The following C3orf22 variants were observed in gnomAD, a reference collection of about 807,000 sequenced individuals.
C3orf22 encodes chromosome 3 open reading frame 22.
A neutral mutation model predicts 10.8 loss-of-function variants in C3orf22; 7 were observed. That is an observed-to-expected ratio of 0.65 (90% CI 0.37 to 1.22). The LOEUF (loss-of-function observed/expected upper bound fraction) is 1.22. C3orf22 is among the 50% of genes most tolerant of loss of function. The pLI, the probability that C3orf22 is intolerant of heterozygous loss-of-function variation, is 0.02. For synonymous variants in C3orf22, 79 were observed against 78.9 expected (o/e 1.00, Z 0.00); for missense variants, 173 against 177.0 (o/e 0.98, Z 0.13).
At chr3:126,540,423 G>C (rs2107572701) in intron 4 of C3orf22, among the ~76,000 whole-genome samples, 1 of 152,242 alleles carries the variant, frequency 6.6e-6, no homozygotes, top group Admixed American at 6.5e-5. Context: ...GTTCACTCAG[G>C]TTCTAGTTTT....
chr3:126,542,431 G>A (rs1470973581), intron 4 of C3orf22: 2 of 1,556,112 alleles, frequency 1.3e-6, no homozygotes, highest in Non-Finnish European at 8.7e-7. Flanking sequence ...GGCCGCCGCG[G>A]CCCCGGGGAG....
intron 4 of C3orf22, chr3:126,542,522 AAG>A: frequency 6.5e-7 from 1 of 1,545,414 alleles, no homozygotes; most frequent in Non-Finnish European, 8.7e-7. Context: ...CGACCTCTAC[AAG>A]ATGGACTTCC....
intron 3 of C3orf22, among the ~76,000 whole-genome samples, chr3:126,550,903 T>C (rs1937166490): frequency 6.6e-6 from 1 of 152,238 alleles, no homozygotes; most frequent in African/African-American, 2.4e-5. Flanking sequence ...CCCCTGACTC[T>C]AAGCCAGTCC....
At chr3:126,536,634 T>C (rs1043558542) in intron 4 of C3orf22, among the ~76,000 whole-genome samples, 14 of 152,174 alleles carry the variant, frequency 9.2e-5, no homozygotes, top group African/African-American at 2.9e-4. Context: ...AAACAGACCC[T>C]GTACCTGCCC....
intron 3 of C3orf22, 25 bp from the exon 4 acceptor site, chr3:126,550,103 C>G: frequency 6.2e-7 from 1 of 1,612,404 alleles, no homozygotes; most frequent in Non-Finnish European, 8.5e-7. Context: ...CAGAGCCACG[C>G]CTGGCCTTCA....
chr3:126,542,161 C>T (rs369247985), intron 4 of C3orf22: 2 of 1,515,672 alleles, frequency 1.3e-6, no homozygotes, highest in African/African-American at 2.9e-5. Context: ...ACGGTGCACG[C>T]ATCGTTCAGC....
At chr3:126,540,660 G>T (rs1936939214) in intron 4 of C3orf22, among the ~76,000 whole-genome samples, 1 of 152,224 alleles carries the variant, frequency 6.6e-6, no homozygotes, top group South Asian at 2.1e-4. Context: ...TGGCTAATGT[G>T]AATATTGGTG....
At position 126,542,289 on chromosome 3, in the gene C3orf22, A is replaced by G. The variant is rs761411451; in HGVS notation, c.286+7248T>C. The G allele has an allele frequency of 1.9e-6, 3 of 1,566,480 alleles. No homozygotes were observed. Among genetic ancestry groups the G allele is most frequent in the South Asian group, 1.1e-5 (1 of 87,088 alleles). On this transcript the variant is annotated intron_variant and NMD_transcript_variant, in intron 4 of 5. Transcript: ENST00000505070. The stretch of plus-strand genomic sequence containing the variant: ...CGGCGTGAGGAGCCCTTCAACGAGC[A>G]CTGGGAGCGCGCGCACGCGCTCTGC...
chr3:126,539,186 C>T (rs1287053581), intron 4 of C3orf22, among the ~76,000 whole-genome samples: 1 of 152,156 alleles, frequency 6.6e-6, no homozygotes, highest in Non-Finnish European at 1.5e-5. Context: ...CCACCTACTC[C>T]CACCTGGGAT....
downstream of C3orf22, among the ~76,000 whole-genome samples, chr3:126,547,143 G>A (rs1559752041): frequency 1.3e-5 from 2 of 152,174 alleles, no homozygotes; most frequent in Admixed American, 1.3e-4. Context: ...ATCTGTGTTT[G>A]ACTGTAACTG....
chr3:126,552,172 G>A (rs1364585311), intron 2 of C3orf22, 50 bp from the exon 3 acceptor site: 1 of 1,610,534 alleles, frequency 6.2e-7, no homozygotes, highest in Non-Finnish European at 8.5e-7. Context: ...CCAGCCTCCT[G>A]AAGTAACTCT....
At chr3:126,556,778 CA>C (rs1280197782) in intron 1 of C3orf22, among the ~76,000 whole-genome samples, 1 of 98,020 alleles carries the variant, frequency 1.0e-5, no homozygotes, top group African/African-American at 3.0e-5. Context: ...CAGACTCACA[CA>C]CTCAGACTCA....
At chr3:126,528,476 G>T (rs1249572137) in intron 5 of C3orf22, among the ~76,000 whole-genome samples, 1 of 152,176 alleles carries the variant, frequency 6.6e-6, no homozygotes, top group Non-Finnish European at 1.5e-5. Flanking sequence ...GCCTTGGGGG[G>T]AACCAGGGAT....
At chr3:126,547,442 C>T (rs1576242973), downstream of C3orf22, among the ~76,000 whole-genome samples, 1 of 152,340 alleles carries the variant, frequency 6.6e-6, no homozygotes, top group East Asian at 1.9e-4. Context: ...CAAACACATC[C>T]CAGCTGCCCT....
chr3:126,541,178 C>T (rs1936950251), intron 4 of C3orf22, among the ~76,000 whole-genome samples: 2 of 152,142 alleles, frequency 1.3e-5, no homozygotes, highest in Admixed American at 6.5e-5. Flanking sequence ...GGGACAGGCT[C>T]AGAAGGGGCA....
At chr3:126,546,232 C>A (rs1937065735), downstream of C3orf22, among the ~76,000 whole-genome samples, 2 of 152,164 alleles carry the variant, frequency 1.3e-5, no homozygotes, top group Non-Finnish European at 2.9e-5. Context: ...GAGTTAGTGC[C>A]CCCTGGAAGC....
At chr3:126,529,983 A>C (rs920877051) in intron 4 of C3orf22, among the ~76,000 whole-genome samples, 5 of 152,204 alleles carry the variant, frequency 3.3e-5, no homozygotes, top group Admixed American at 3.3e-4. Context: ...ACGGGGGTAC[A>C]GAGGACACAG....
At chr3:126,541,818 G>A in intron 4 of C3orf22, 3 of 1,562,300 alleles carry the variant, frequency 1.9e-6, no homozygotes, top group Non-Finnish European at 1.7e-6. Flanking sequence ...CGCCGGCAGC[G>A]CCTGCTACAG....
chr3:126,557,115 T>C (rs1476847743), intron 1 of C3orf22, among the ~76,000 whole-genome samples: 3 of 151,686 alleles, frequency 2.0e-5, no homozygotes, highest in Non-Finnish European at 4.4e-5. Context: ...CACAGACACA[T>C]ACAGACACTC....
Sources: allele counts gnomAD v4.1 joint callset (sites outside exome capture counted in the v4.1 genomes callset), GRCh38; gene constraint gnomAD v4.1.1; transcripts MANE v1.5; gene names NCBI Gene and HGNC (gene_info 2026-07-23, HGNC 2026-07-21).